The following GRIN2A variants were observed in gnomAD, a reference collection of about 807,000 sequenced individuals.
The protein encoded by GRIN2A is glutamate ionotropic receptor NMDA type subunit 2A, also known as glutamate receptor ionotropic, NMDA 2A.
In GRIN2A, 22 loss-of-function variants were observed where a neutral mutation model predicts 113.4. The ratio of observed to expected loss-of-function variants is 0.19; its 90% CI spans 0.14 to 0.28. The LOEUF (loss-of-function observed/expected upper bound fraction) is 0.28, where lower values mean the gene tolerates loss of function less well. Among genes scored for constraint, GRIN2A ranks in the 10% least tolerant of loss-of-function variants. The probability of loss-of-function intolerance (pLI) is 1.00; values close to 1 mark genes in which losing one functional copy is unlikely to be tolerated. For missense variants in GRIN2A, 1,502 were observed against 1,887.0 expected (o/e 0.80, Z 3.78); for synonymous variants, 827 against 738.4 (o/e 1.12, Z -1.94).
At chr16:10,077,082 TGGCACTGGA>T (rs2047887200) in intron 2 of GRIN2A, among the ~76,000 whole-genome samples, 1 of 152,158 alleles carries the variant, frequency 6.6e-6, no homozygotes. Context: ...GCAATGTTGC[TGGCACTGGA>T]GATGGAGGAA....
In GRIN2A at chr16:10,047,895, CT is replaced by C. The variant is rs2047287811; in HGVS notation, c.415-109345del. Reference sequence around the variant, plus strand: ...GCAGGGTTAACTTTCAGTTCACCACCTTGGTATCTGGCTTACTAACATATGT... The same window carrying C: ...GCAGGGTTAACTTTCAGTTCACCACCTGGTATCTGGCTTACTAACATATGT... On this transcript the variant is annotated intron_variant, in intron 2 of 12. Transcript: ENST00000330684. Among the ~76,000 whole-genome samples the C allele has an allele frequency of 4.6e-5, 7 of 152,270 alleles. No homozygotes were observed. The South Asian group carries it at 1.5e-3, about 32-fold the overall frequency.
At chr16:10,112,201 C>T (rs113531252) in intron 2 of GRIN2A, 6 of 593,144 alleles carry the variant, frequency 1.0e-5, no homozygotes, top group African/African-American at 7.4e-5. Flanking sequence ...GTCTTGGACT[C>T]CTCCCAAGGG....
chr16:9,951,473 C>T (rs894235165), intron 2 of GRIN2A, among the ~76,000 whole-genome samples: 3 of 152,184 alleles, frequency 2.0e-5, no homozygotes, highest in African/African-American at 7.2e-5. Flanking sequence ...TGCGCACAGG[C>T]GTGCATGTCA....
intron 2 of GRIN2A, among the ~76,000 whole-genome samples, chr16:9,948,942 A>C (rs113110081): frequency 0.014 from 2,072 of 152,220 alleles, 37 homozygotes; most frequent in African/African-American, 0.048. Flanking sequence ...CATTTTTTTC[A>C]TCTATAAAAT....
At chr16:9,817,153 G>A (rs1046126889) in intron 10 of GRIN2A, among the ~76,000 whole-genome samples, 1 of 152,146 alleles carries the variant, frequency 6.6e-6, no homozygotes, top group Non-Finnish European at 1.5e-5. Flanking sequence ...CATTTGGCTT[G>A]TCTACTCTGT....
At chr16:10,137,216 G>C (rs540488569) in intron 2 of GRIN2A, among the ~76,000 whole-genome samples, 1 of 152,342 alleles carries the variant, frequency 6.6e-6, no homozygotes, top group South Asian at 2.1e-4. Flanking sequence ...GGGCATATGG[G>C]AAAGCCCCAA....
chr16:9,815,836 T>G (rs576714283), intron 10 of GRIN2A, among the ~76,000 whole-genome samples: 1 of 152,318 alleles, frequency 6.6e-6, no homozygotes, highest in East Asian at 1.9e-4. Context: ...AGAAGCATGA[T>G]TCAAAATAGT....
chr16:10,073,131 T>A (rs1293657358), intron 2 of GRIN2A, among the ~76,000 whole-genome samples: 1 of 151,830 alleles, frequency 6.6e-6, no homozygotes, highest in East Asian at 1.9e-4. Flanking sequence ...AGTTTTTGTA[T>A]TGTTAGTAGA....
At position 9,755,258 on chromosome 16, in the gene GRIN2A, C is replaced by T. The variant is rs767744606; in HGVS notation, c.*7891G>A. 5.4e-6 allele frequency: 1 copy of T among 186,514 alleles called. No homozygotes were observed. 11.6% of individuals were successfully genotyped at this position (186,514 alleles called of 1,614,324 possible). Reference sequence around the variant, plus strand: ...TTTTAAGCAATTTAGTTCTGGTTCCCTGGAGAGTTGCATGCTTTGAAATAC... The same window carrying T: ...TTTTAAGCAATTTAGTTCTGGTTCCTTGGAGAGTTGCATGCTTTGAAATAC... On this transcript the variant is annotated 3_prime_UTR_variant, in exon 13 of 13. Transcript: ENST00000330684.
intron 9 of GRIN2A, among the ~76,000 whole-genome samples, chr16:9,825,032 C>T (rs1008841539): frequency 6.6e-6 from 1 of 152,100 alleles, no homozygotes; most frequent in African/African-American, 2.4e-5. Flanking sequence ...AGGGGTAGGA[C>T]AGAGGTCTCC....
At chr16:9,970,570 A>G (rs1487315997) in intron 2 of GRIN2A, among the ~76,000 whole-genome samples, 1 of 152,172 alleles carries the variant, frequency 6.6e-6, no homozygotes, top group Non-Finnish European at 1.5e-5. Flanking sequence ...CCCTAGAAAG[A>G]AGTAAATTAG....
At chr16:10,086,672 T>A (rs183197788) in intron 2 of GRIN2A, among the ~76,000 whole-genome samples, 1 of 145,160 alleles carries the variant, frequency 6.9e-6, no homozygotes, top group Non-Finnish European at 1.5e-5. Flanking sequence ...CCTGGGACAA[T>A]CTGTTTTCTT....
chr16:10,171,996 G>C (rs930394873), intron 2 of GRIN2A, among the ~76,000 whole-genome samples: 5 of 152,176 alleles, frequency 3.3e-5, no homozygotes, highest in African/African-American at 1.2e-4. Flanking sequence ...ACTTGATAAT[G>C]ACATTCTTTA....
At chr16:9,963,444 C>A (rs1692554356) in intron 2 of GRIN2A, among the ~76,000 whole-genome samples, 2 of 152,138 alleles carry the variant, frequency 1.3e-5, no homozygotes, top group South Asian at 4.2e-4. Flanking sequence ...CCCCCCACCC[C>A]TGACAGGCCC....
At chr16:10,107,914 A>G (rs1335229107) in intron 2 of GRIN2A, among the ~76,000 whole-genome samples, 2 of 152,206 alleles carry the variant, frequency 1.3e-5, no homozygotes, top group Non-Finnish European at 1.5e-5. Flanking sequence ...TGCTACAGTG[A>G]TGCTTACCCT....
Position 9,916,620 on chromosome 16 carries a change from G to T in GRIN2A, c.1007+21339C>A, listed in dbSNP as rs182542340. Among the ~76,000 whole-genome samples the T allele has an allele frequency of 2.1e-4, 32 of 152,278 alleles. 1 individual carries two copies. The East Asian group carries it at 6.2e-3, about 29-fold the overall frequency. Reference sequence around the variant, plus strand: ...ACACCTGGTATTCCACCTCGGAGGTGGCTGGTGATGCAGCCTTCTTCACTA... The same window carrying T: ...ACACCTGGTATTCCACCTCGGAGGTTGCTGGTGATGCAGCCTTCTTCACTA... On this transcript the variant is annotated intron_variant, in intron 3 of 12. Transcript: ENST00000330684.
At chr16:10,019,803 G>C (rs1019540780) in intron 2 of GRIN2A, among the ~76,000 whole-genome samples, 2 of 152,208 alleles carry the variant, frequency 1.3e-5, no homozygotes, top group African/African-American at 4.8e-5. Context: ...ATGTAGATAT[G>C]TTGACCAAAG....
rs185881945 is a variant in GRIN2A at position 10,025,709 on chromosome 16, C to G, written c.415-87158G>C. 1.3e-4 allele frequency among the ~76,000 whole-genome samples: 20 copies of G among 152,220 alleles called. No individual in the cohort carries two copies. The South Asian group carries it at 3.7e-3, about 28-fold the overall frequency. On this transcript the variant is annotated intron_variant, in intron 2 of 12. Coordinates refer to ENST00000330684, the MANE Select transcript of GRIN2A (RefSeq NM_001134407.3). ...AGAGATGAAAATAAAGACACCAGAGCGGGGTCCACTCAAGGATACTGATGT... is the reference window on the plus strand; with the variant it reads ...AGAGATGAAAATAAAGACACCAGAGGGGGGTCCACTCAAGGATACTGATGT...
intron 4 of GRIN2A, among the ~76,000 whole-genome samples, chr16:9,887,724 G>A (rs142833746): frequency 6.6e-6 from 1 of 152,262 alleles, no homozygotes; most frequent in East Asian, 1.9e-4. Context: ...AGATTTGTGT[G>A]TGTATGTGTA....
Sources: allele counts gnomAD v4.1 joint callset (sites outside exome capture counted in the v4.1 genomes callset), GRCh38; gene constraint gnomAD v4.1.1; transcripts MANE v1.5; gene names NCBI Gene and HGNC (gene_info 2026-07-23, HGNC 2026-07-21).